The following DNAH8 variants were observed in gnomAD, a reference collection of about 807,000 sequenced individuals.
DNAH8 encodes the protein axonemal beta dynein heavy chain 8.
In DNAH8, 382 loss-of-function variants were observed where a neutral mutation model predicts 562.1. The ratio of observed to expected loss-of-function variants is 0.68; its 90% confidence interval spans 0.63 to 0.74. The LOEUF (loss-of-function observed/expected upper bound fraction) is 0.74. Ranked by LOEUF, DNAH8 falls within the 30% of genes least tolerant of loss-of-function variation. DNAH8 has a pLI of 0.00. For synonymous variants in DNAH8, 1,881 were observed against 1,919.4 expected (o/e 0.98, Z 0.52); for missense variants, 5,203 against 5,620.4 (o/e 0.93, Z 2.37).
At chr6:38,825,057 C>A (rs924165985) in intron 28 of DNAH8, among the ~76,000 whole-genome samples, 1 of 152,056 alleles carries the variant, frequency 6.6e-6, no homozygotes, top group Non-Finnish European at 1.5e-5. Context: ...AGACAGAGTG[C>A]GCTGGGGAGC....
intron 10 of DNAH8, among the ~76,000 whole-genome samples, chr6:38,757,630 T>G (rs1766049696): frequency 1.3e-5 from 2 of 152,252 alleles, no homozygotes. Context: ...GCCTAGGTTT[T>G]CTTCTAGGGT....
intron 26 of DNAH8, among the ~76,000 whole-genome samples, chr6:38,819,121 G>A (rs750341993): frequency 6.6e-6 from 1 of 152,178 alleles, no homozygotes; most frequent in Non-Finnish European, 1.5e-5. Context: ...AAAAGATGAA[G>A]CCAGACCAGT....
chr6:38,781,474 C>A, intron 16 of DNAH8, 101 bp downstream of exon 16: 1 of 1,330,182 alleles, frequency 7.5e-7, no homozygotes, highest in Non-Finnish European at 1.0e-6. Flanking sequence ...TAGCCAACAA[C>A]GAGCCAATTC....
At chr6:38,916,683 G>C (rs898741184) in intron 68 of DNAH8, among the ~76,000 whole-genome samples, 1 of 152,170 alleles carries the variant, frequency 6.6e-6, no homozygotes, top group Non-Finnish European at 1.5e-5. Context: ...CTTAGAACAT[G>C]TTATTGATCA....
At chr6:38,836,872 A>G (rs756055542) in intron 32 of DNAH8, among the ~76,000 whole-genome samples, 3 of 151,954 alleles carry the variant, frequency 2.0e-5, no homozygotes, top group East Asian at 1.9e-4. Context: ...GGGTGTTTTT[A>G]TGTTACTTGC....
At position 38,938,877 on chromosome 6, in the gene DNAH8, G is replaced by A. The variant is rs1783201963; in HGVS notation, c.11896G>A (p.Val3966Ile). 1 of 1,613,288 alleles carries A rather than the reference G, an allele frequency of 6.2e-7. No individual in the cohort carries two copies. Residue 3966 changes from valine (V) to isoleucine (I), a missense_variant, in exon 79 of 93, where the codon GTC becomes ATC. By Grantham distance (29) the Val-to-Ile change is conservative (BLOSUM62 3). Transcript: ENST00000327475. ...GACATATGAAGTTTTTACATACTCT[G>A]TCAGAGGCCTATACGAAAACCACAA... ...YLTYEVFTYS[V>I]RGLYENHKFL...
chr6:39,028,301 A>G (rs943788141), intron 92 of DNAH8, among the ~76,000 whole-genome samples: 2 of 152,206 alleles, frequency 1.3e-5, no homozygotes, highest in Non-Finnish European at 2.9e-5. Context: ...GCTAAAAACA[A>G]CAGAGATCTA....
In DNAH8 at chr6:38,848,661, T is replaced by C; in HGVS notation, c.5059T>C (p.Phe1687Leu). The change falls in exon 37 of 93, where the codon TTT becomes CTT. Residue 1687 changes from phenylalanine to leucine, a missense_variant. This residue lies in a region of DNAH8 where 2,176 missense variants were observed against 2,365.1 expected (regional missense o/e 0.92). Coordinates refer to ENST00000327475, the MANE Select transcript of DNAH8 (RefSeq NM_001206927.2). ...SLLSNRYNAP[F>L]KKNIQNWVYK... ...CTTACCTTTTAGATACAATGCTCCA[T>C]TTAAAAAAAATATCCAGAATTGGGT... The C allele has an allele frequency of 6.2e-7, 1 of 1,610,202 alleles. No individual in the cohort carries two copies.
At chr6:38,905,525 A>G (rs1260185987) in intron 62 of DNAH8, among the ~76,000 whole-genome samples, 1 of 152,190 alleles carries the variant, frequency 6.6e-6, no homozygotes. Flanking sequence ...GACTAATTTT[A>G]TTCATAACGT....
At chr6:38,789,964 C>A in intron 19 of DNAH8, 81 bp downstream of exon 19, 1 of 1,075,606 alleles carries the variant, frequency 9.3e-7, no homozygotes, top group Non-Finnish European at 1.4e-6. Flanking sequence ...GATTTTGGAA[C>A]ATCTATTCTT....
intron 91 of DNAH8, among the ~76,000 whole-genome samples, chr6:39,017,014 G>A (rs1766614994): frequency 6.6e-6 from 1 of 152,202 alleles, no homozygotes; most frequent in Non-Finnish European, 1.5e-5. Flanking sequence ...TGTAGCAATT[G>A]ATGAGCTCAA....
In DNAH8 at chr6:38,781,308, G is replaced by A. The variant is rs1768579174; in HGVS notation, c.2194G>A (p.Ala732Thr). The part of the protein sequence containing the change: ...PPLARNMPPI[A>T]GKILWVRQLY... Reference sequence around the variant, plus strand: ...TCTTGCTCGCAACATGCCCCCTATAGCAGGAAAAATACTCTGGGTGAGGCA... The same window carrying A: ...TCTTGCTCGCAACATGCCCCCTATAACAGGAAAAATACTCTGGGTGAGGCA... The change falls in exon 16 of 93, where the codon GCA (alanine) becomes ACA (threonine). Residue 732 changes from alanine to threonine, a missense_variant. Transcript: ENST00000327475. The A allele has an allele frequency of 3.7e-6, 6 of 1,613,650 alleles. No homozygotes were observed. The East Asian group carries it at 1.3e-4, about 36-fold the overall frequency.
intron 3 of DNAH8, 97 bp from the exon 4 acceptor site, chr6:38,729,805 C>A (rs1358123253): frequency 3.0e-6 from 2 of 672,888 alleles, no homozygotes; most frequent in Non-Finnish European, 2.6e-6. Context: ...CTTTATGTAC[C>A]TTTGAATAAA....
At position 38,803,179 on chromosome 6, in the gene DNAH8, A is replaced by T. The variant is rs1770934361; in HGVS notation, c.2902A>T (p.Thr968Ser). ...TAATAGTCATTTCTTTATTTAACAG[A>T]CATACACAAAAGAATGGGCTGACAT... ...KVEDMLTLNE[T>S]YTKEWADILN... Residue 968 changes from threonine (T) to serine (S), a missense_variant and splice_region_variant, in exon 22 of 93, where the codon ACA becomes TCA. Around this residue, in one of 6 missense-constraint regions of DNAH8, gnomAD observed 2,176 missense variants for 2,365.1 expected, o/e 0.92. Coordinates refer to ENST00000327475, the MANE Select transcript of DNAH8 (RefSeq NM_001206927.2). 6.3e-7 allele frequency: 1 copy of T among 1,591,192 alleles called. No individual in the cohort carries two copies. Among genetic ancestry groups the T allele is most frequent in the Non-Finnish European group, 8.6e-7 (1 of 1,169,522 alleles).
intron 26 of DNAH8, among the ~76,000 whole-genome samples, chr6:38,819,976 C>G (rs985066408): frequency 2.0e-4 from 31 of 151,996 alleles, no homozygotes; most frequent in African/African-American, 7.5e-4. Flanking sequence ...AGAATAAGTC[C>G]ACATCATGAA....
Position 38,883,407 on chromosome 6 carries a change from T to G in DNAH8, c.8087T>G (p.Leu2696Arg). The change falls in exon 55 of 93, where the codon CTA becomes CGA. Residue 2696 changes from leucine to arginine, a missense_variant. Coordinates refer to ENST00000327475, the MANE Select transcript of DNAH8 (RefSeq NM_001206927.2). ...YLKKYDPEVQ[L>R]SKSLNFSSAT... Reference sequence around the variant, plus strand: ...AAAAAATATGATCCTGAAGTACAGCTATCCAAAAGTCTAAACTTTTCATCT... The same window carrying G: ...AAAAAATATGATCCTGAAGTACAGCGATCCAAAAGTCTAAACTTTTCATCT... The G allele has an allele frequency of 6.2e-7, 1 of 1,613,074 alleles. No individual in the cohort carries two copies. The highest frequency in any genetic ancestry group is 1.1e-5 in the South Asian group (1 of 90,852).
At chr6:38,827,301 G>A (rs942270072) in intron 29 of DNAH8, among the ~76,000 whole-genome samples, 1 of 152,114 alleles carries the variant, frequency 6.6e-6, no homozygotes, top group East Asian at 1.9e-4. Flanking sequence ...ACCATATAAG[G>A]TAATATGTTC....
At chr6:38,792,626 C>G (rs557125538) in intron 21 of DNAH8, among the ~76,000 whole-genome samples, 1 of 152,170 alleles carries the variant, frequency 6.6e-6, no homozygotes, top group Admixed American at 6.5e-5. Context: ...AATGTAACCT[C>G]TTCAGCATTG....
At chr6:38,716,037 C>T (rs1202479268) in intron 1 of DNAH8, among the ~76,000 whole-genome samples, 1 of 141,082 alleles carries the variant, frequency 7.1e-6, no homozygotes, top group Admixed American at 7.2e-5. Context: ...CGGCTCACTG[C>T]AATTTCTGCC....
Sources: gnomAD v4.1 joint callset for allele counts (sites outside exome capture counted in the v4.1 genomes callset) on GRCh38, gnomAD v4.1.1 for gene constraint, gnomAD v4.1.1 regional missense constraint, MANE v1.5 for transcripts, NCBI Gene and HGNC (gene_info 2026-07-23, HGNC 2026-07-21) for gene names.